FMNL2: variants seen among roughly 807,000 people sequenced by gnomAD.
FMNL2 encodes the protein formin like 2.
Under a neutral mutation model 130.2 loss-of-function variants are expected in FMNL2, and 51 were observed. The ratio of observed to expected loss-of-function variants is 0.39; its 90% CI spans 0.31 to 0.49. The LOEUF (loss-of-function observed/expected upper bound fraction) is 0.49. FMNL2 is among the 20% of genes least tolerant of loss of function. FMNL2 has a pLI of 0.85. For missense variants in FMNL2, 977 were observed against 1,316.2 expected (o/e 0.74, Z 3.99); for synonymous variants, 465 against 467.1 (o/e 1.00, Z 0.06).
chr2:152,595,701 C>T (rs947505207), intron 9 of FMNL2, among the ~76,000 whole-genome samples: 2 of 152,136 alleles, frequency 1.3e-5, no homozygotes, highest in Admixed American at 6.5e-5. Flanking sequence ...AATTTCTGAA[C>T]TTTGAGGAAT....
At chr2:152,351,736 A>G (rs1045280153) in intron 1 of FMNL2, among the ~76,000 whole-genome samples, 1 of 152,174 alleles carries the variant, frequency 6.6e-6, no homozygotes, top group Non-Finnish European at 1.5e-5. Flanking sequence ...TTGCTGGGTC[A>G]AATGGTATTT....
chr2:152,347,829 T>C (rs1199084603), intron 1 of FMNL2, among the ~76,000 whole-genome samples: 2 of 152,226 alleles, frequency 1.3e-5, no homozygotes, highest in Non-Finnish European at 2.9e-5. Context: ...TTCTCTGCTT[T>C]GTAACTCCTG....
chr2:152,625,338 C>A, intron 15 of FMNL2, 100 bp from the exon 16 acceptor site: 1 of 1,402,046 alleles, frequency 7.1e-7, no homozygotes, highest in Non-Finnish European at 9.6e-7. Context: ...CAACCTTCCT[C>A]CAGTGTCAAA....
chr2:152,501,969 GT>G (rs1423262754), intron 1 of FMNL2, among the ~76,000 whole-genome samples: 2 of 152,186 alleles, frequency 1.3e-5, no homozygotes, highest in Non-Finnish European at 2.9e-5. Context: ...AAGGAACCTA[GT>G]TTTCACTGTT....
At chr2:152,592,763 GCAACTCTGGGATTTTTA>G (rs1012577666) in intron 9 of FMNL2, among the ~76,000 whole-genome samples, 6 of 152,238 alleles carry the variant, frequency 3.9e-5, no homozygotes, top group Non-Finnish European at 7.3e-5. Flanking sequence ...CTAGTAAATG[GCAACTCTGGGATTTTTA>G]CACAGATCCA....
intron 1 of FMNL2, among the ~76,000 whole-genome samples, chr2:152,461,494 T>G (rs545878221): frequency 3.0e-4 from 45 of 152,208 alleles, no homozygotes; most frequent in Non-Finnish European, 5.6e-4. Context: ...AAAAAGTAGA[T>G]TCACATACCA....
At chr2:152,494,129 A>C (rs780080926) in intron 1 of FMNL2, among the ~76,000 whole-genome samples, 5 of 152,222 alleles carry the variant, frequency 3.3e-5, no homozygotes, top group Non-Finnish European at 5.9e-5. Context: ...AGAGTGGGGC[A>C]GTTCCTCTGG....
intron 11 of FMNL2, 120 bp downstream of exon 11, chr2:152,611,725 A>C: frequency 1.6e-6 from 1 of 629,640 alleles, no homozygotes; most frequent in East Asian, 2.8e-5. Context: ...CAACTACTGT[A>C]GTGCTAGTTA....
At chr2:152,532,432 C>G (rs900048076) in intron 2 of FMNL2, among the ~76,000 whole-genome samples, 1 of 152,074 alleles carries the variant, frequency 6.6e-6, no homozygotes, top group Non-Finnish European at 1.5e-5. Context: ...TATTGTCAGT[C>G]CGTTAAAATT....
chr2:152,581,205 A>G (rs1294007069), intron 9 of FMNL2, among the ~76,000 whole-genome samples, 156 bp downstream of exon 9: 2 of 152,232 alleles, frequency 1.3e-5, no homozygotes, highest in East Asian at 3.8e-4. Flanking sequence ...AACTTAGTCT[A>G]AATTTGGTAT....
intron 1 of FMNL2, among the ~76,000 whole-genome samples, chr2:152,414,917 G>A (rs1034683715): frequency 6.6e-6 from 1 of 152,186 alleles, no homozygotes; most frequent in Admixed American, 6.5e-5. Flanking sequence ...TTAATGAAGT[G>A]ATGGAGACCT....
chr2:152,645,354 A>T, intron 25 of FMNL2: 1 of 671,852 alleles, frequency 1.5e-6, no homozygotes, highest in Non-Finnish European at 2.3e-6. Flanking sequence ...GGGAATGTTG[A>T]GCACTAAGTT....
chr2:152,370,845 A>G (rs1019652456), intron 1 of FMNL2, among the ~76,000 whole-genome samples: 2 of 152,244 alleles, frequency 1.3e-5, no homozygotes, highest in Non-Finnish European at 2.9e-5. Flanking sequence ...AATATTTATT[A>G]TCTCCCAGTG....
intron 4 of FMNL2, among the ~76,000 whole-genome samples, chr2:152,550,047 A>T (rs543397317): frequency 1.3e-5 from 2 of 152,306 alleles, no homozygotes; most frequent in South Asian, 4.1e-4. Flanking sequence ...TGTCTCGTTG[A>T]TAGTTCTTCT....
intron 11 of FMNL2, among the ~76,000 whole-genome samples, chr2:152,611,924 G>A (rs1559007746): frequency 6.6e-6 from 1 of 152,050 alleles, no homozygotes; most frequent in Non-Finnish European, 1.5e-5. Flanking sequence ...CTTCATCTGG[G>A]CTATTGGGCA....
chr2:152,608,933 G>A (rs1698534670), intron 10 of FMNL2, among the ~76,000 whole-genome samples: 1 of 151,200 alleles, frequency 6.6e-6, no homozygotes, highest in Non-Finnish European at 1.5e-5. Flanking sequence ...AGAACACTAG[G>A]CCCCTGTTCC....
intron 1 of FMNL2, among the ~76,000 whole-genome samples, chr2:152,380,491 A>G (rs146055876): frequency 4.5e-4 from 68 of 152,308 alleles, no homozygotes; most frequent in African/African-American, 1.6e-3. Context: ...AATGTTTCAC[A>G]ATTTTGGCAC....
intron 1 of FMNL2, among the ~76,000 whole-genome samples, chr2:152,511,840 C>A (rs1454075536): frequency 3.3e-5 from 5 of 152,148 alleles, no homozygotes; most frequent in Non-Finnish European, 7.3e-5. Context: ...TGCTTCAGAT[C>A]AGCAGGTGAT....
At chr2:152,537,819 G>A (rs779825916) in intron 2 of FMNL2, among the ~76,000 whole-genome samples, 2 of 152,026 alleles carry the variant, frequency 1.3e-5, no homozygotes, top group African/African-American at 2.4e-5. Context: ...AAATGAACAA[G>A]CATCAGAAAA....
Sources: gnomAD v4.1 joint callset for allele counts (sites outside exome capture counted in the v4.1 genomes callset) on GRCh38, gnomAD v4.1.1 for gene constraint, MANE v1.5 for transcripts, NCBI Gene and HGNC (gene_info 2026-07-23, HGNC 2026-07-21) for gene names.